Variants in AGFG2 observed in about 807,000 individuals in gnomAD.
AGFG2 encodes the protein arf-GAP domain and FG repeat-containing protein 2.
AGFG2 carries 31 observed loss-of-function variants against 48.0 expected under a neutral mutation model. That is an observed-to-expected ratio of 0.65 (90% CI 0.49 to 0.87). The LOEUF is 0.87. Ranked by LOEUF, AGFG2 falls within the 40% of genes least tolerant of loss-of-function variation. The probability of loss-of-function intolerance (pLI) is 0.00; values close to 1 mark genes in which losing one functional copy is unlikely to be tolerated. For synonymous variants in AGFG2, 229 were observed against 260.8 expected (o/e 0.88, Z 1.18); for missense variants, 599 against 632.6 (o/e 0.95, Z 0.57).
chr7:100,563,855 G>A lies in AGFG2; in HGVS notation c.1193G>A (p.Ser398Asn), dbSNP rs1418977851. The stretch of plus-strand genomic sequence containing the variant: ...ATAGGGCCCGGCTTTGGGATGAGCA[G>A]TGCTGGGCCTGGCTTCCCCCAGGCA... ...LAPGPGFGMS[S>N]AGPGFPQAVP... is the part of the protein sequence containing the mutation. The change falls in exon 10 of 12, where the codon AGT becomes AAT. Residue 398 changes from serine to asparagine, a missense_variant. By Grantham distance (46) the Ser-to-Asn change is conservative. Transcript: ENST00000300176. 1.2e-6 allele frequency: 2 copies of A among 1,611,474 alleles called. No homozygotes were observed. Among genetic ancestry groups the A allele is most frequent in the Non-Finnish European group, 1.7e-6 (2 of 1,180,016 alleles).
intron 3 of AGFG2, among the ~76,000 whole-genome samples, chr7:100,552,822 A>C (rs2131112347): frequency 6.6e-6 from 1 of 152,282 alleles, no homozygotes; most frequent in South Asian, 2.1e-4. Context: ...GGAGCTGAGA[A>C]GAAGGAGTCT....
At chr7:100,546,076 C>G (rs1427779614) in intron 1 of AGFG2, among the ~76,000 whole-genome samples, 1 of 152,142 alleles carries the variant, frequency 6.6e-6, no homozygotes, top group East Asian at 1.9e-4. Flanking sequence ...ATGGAAACAT[C>G]CTGTTCCATC....
intron 1 of AGFG2, 72 bp from the exon 2 acceptor site, chr7:100,548,750 C>T (rs1800561694): frequency 8.5e-7 from 1 of 1,182,156 alleles, no homozygotes; most frequent in East Asian, 2.3e-5. Flanking sequence ...CTCCCTCCTC[C>T]TCCTCCTCCC....
Position 100,553,471 on chromosome 7 carries a change from C to T in AGFG2, c.556C>T (p.Leu186Phe). 1.2e-6 allele frequency: 2 copies of T among 1,604,010 alleles called. No individual in the cohort carries two copies. Among genetic ancestry groups the T allele is most frequent in the South Asian group, 2.2e-5 (2 of 90,550 alleles). ...RTLLGDPAPS[L>F]SVAASTSSQP... ...ACTTCTGGGTGATCCTGCACCGTCT[C>T]TCTCAGTTGCTGCCTCCACCTCGAG... is the stretch of plus-strand genomic sequence containing the variant. The change falls in exon 4 of 12, where the codon CTC becomes TTC. Residue 186 changes from leucine to phenylalanine, a missense_variant. Transcript: ENST00000300176.
chr7:100,551,737 A>T (rs1800649705), intron 3 of AGFG2, among the ~76,000 whole-genome samples: 2 of 149,828 alleles, frequency 1.3e-5, no homozygotes. Flanking sequence ...TACAAAAAAA[A>T]TTAGCTGGGT....
rs748026655 is a variant in AGFG2 at position 100,562,942 on chromosome 7, G to C, written c.1167G>C (p.Ala389=). 1.9e-6 allele frequency: 3 copies of C among 1,613,154 alleles called. No homozygotes were observed. The African/African-American group carries it at 4.0e-5, about 22-fold the overall frequency. ...ACCCGTTCCAGCCCAATGGCTTGGCGCCAGGTAAGCCTCCAGCATGGTCCC... is the reference window on the plus strand; with the variant it reads ...ACCCGTTCCAGCCCAATGGCTTGGCCCCAGGTAAGCCTCCAGCATGGTCCC... The part of the protein sequence containing the change: ...STNPFQPNGL[A]PGPGFGMSSA... Residue 389 remains alanine (A), a synonymous_variant, in exon 9 of 12, where the codon GCG becomes GCC. Coordinates refer to ENST00000300176, the MANE Select transcript of AGFG2 (RefSeq NM_006076.5). This position sits in a 1 kb window ranked among gnomAD's most constrained non-coding sequence, Gnocchi z 5.4.
chr7:100,557,656 A>G (rs1006039272), intron 6 of AGFG2, among the ~76,000 whole-genome samples: 1 of 152,008 alleles, frequency 6.6e-6, no homozygotes, highest in Non-Finnish European at 1.5e-5. Context: ...GCCGGTCTCA[A>G]TCTCCTGACC....
chr7:100,542,258 C>T (rs1236068151), intron 1 of AGFG2, among the ~76,000 whole-genome samples: 2 of 152,124 alleles, frequency 1.3e-5, no homozygotes, highest in East Asian at 1.9e-4. Context: ...TCAAGTGATC[C>T]GCCCGCCTCG....
intron 6 of AGFG2, among the ~76,000 whole-genome samples, chr7:100,560,113 T>C (rs1584390398): frequency 1.3e-5 from 2 of 151,688 alleles, no homozygotes; most frequent in Admixed American, 1.3e-4. Flanking sequence ...CATACTGTAC[T>C]TGGAGGCAGG....
intron 2 of AGFG2, among the ~76,000 whole-genome samples, chr7:100,550,146 A>G (rs547207061): frequency 6.6e-6 from 1 of 152,258 alleles, no homozygotes; most frequent in African/African-American, 2.4e-5. Flanking sequence ...ATCTCTATTA[A>G]AAGTACAAAA....
rs773822977 is a variant in AGFG2, at chr7:100,563,967, G to C, written c.1300+5G>C. The stretch of plus-strand genomic sequence containing the variant: ...CGCTTGTTCAGCAGCAGAATGGTAA[G>C]AGCTGTAGATGGACAAACCCTTTCA... On this transcript the variant is annotated splice_donor_5th_base_variant and intron_variant, in intron 10 of 11. Transcript: ENST00000300176. 8 of 1,606,234 alleles carry C rather than the reference G, an allele frequency of 5.0e-6. No individual in the cohort carries two copies. Among genetic ancestry groups the C allele is most frequent in the Non-Finnish European group, 4.2e-6 (5 of 1,179,942 alleles).
intron 3 of AGFG2, among the ~76,000 whole-genome samples, chr7:100,551,066 ATTTC>A (rs1313785906): frequency 2.6e-4 from 18 of 69,710 alleles, no homozygotes; most frequent in Non-Finnish European, 3.6e-4. Context: ...ATATATATAT[ATTTC>A]TTTTTTTTTT....
chr7:100,550,602 A>C, intron 3 of AGFG2, 91 bp downstream of exon 3: 4 of 954,144 alleles, frequency 4.2e-6, no homozygotes, highest in Non-Finnish European at 4.9e-6. Flanking sequence ...TGGCCTTCTC[A>C]CAAAAGACTA....
Position 100,563,963 on chromosome 7 carries a change from G to T in AGFG2, c.1300+1G>T, listed in dbSNP as rs781144466. 7.5e-6 allele frequency: 12 copies of T among 1,606,376 alleles called. No individual in the cohort carries two copies. The South Asian group carries it at 1.3e-4, about 18-fold the overall frequency. ...ACCCCGCTTGTTCAGCAGCAGAATG[G>T]TAAGAGCTGTAGATGGACAAACCCT... On this transcript the variant is annotated splice_donor_variant, in intron 10 of 11. Transcript: ENST00000300176. LOFTEE classifies it high-confidence loss of function.
At chr7:100,556,673 A>G (rs1800765609) in intron 6 of AGFG2, 1 of 1,273,924 alleles carries the variant, frequency 7.8e-7, no homozygotes, top group East Asian at 5.6e-5. Context: ...GCCTCTGATC[A>G]TAGAGTTTTG....
intron 9 of AGFG2, 91 bp from the exon 10 acceptor site, chr7:100,563,743 C>A: frequency 6.4e-7 from 1 of 1,558,510 alleles, no homozygotes; most frequent in Non-Finnish European, 8.7e-7. Flanking sequence ...AAACTATATC[C>A]CATTTTCCCA....
rs1401341681 is a variant in AGFG2 at position 100,567,579 on chromosome 7, CAGGGCTGAGGGTA to C, written c.*2589_*2601del. 1.3e-5 allele frequency: 2 copies of C among 152,732 alleles called. No homozygotes were observed. The highest frequency in any genetic ancestry group is 4.8e-5 in the African/African-American group (2 of 41,454). The allele number at this position is 152,732 out of a possible 1,614,324, so 9.5% of individuals were successfully genotyped here. ...AGACCTGTGGGCCAGGGGATGGGAG[CAGGGCTGAGGGTA>C]GGGGCTGAATGTGTGGCTCTGTCCC... On this transcript the variant is annotated 3_prime_UTR_variant, in exon 12 of 12. Transcript: ENST00000300176.
intron 6 of AGFG2, among the ~76,000 whole-genome samples, chr7:100,556,844 A>C (rs1800768630): frequency 6.6e-6 from 1 of 152,214 alleles, no homozygotes. Context: ...CTGTGAGCTG[A>C]TTAGCTGCTT....
At chr7:100,557,534 C>A (rs1562794476) in intron 6 of AGFG2, among the ~76,000 whole-genome samples, 1 of 152,166 alleles carries the variant, frequency 6.6e-6, no homozygotes. Flanking sequence ...TGATCTCATT[C>A]AAGCGATTCT....
Sources: gnomAD v4.1 joint callset for allele counts (sites outside exome capture counted in the v4.1 genomes callset) on GRCh38, gnomAD v4.1.1 for gene constraint, Gnocchi (gnomAD v3.1) non-coding constraint, MANE v1.5 for transcripts, NCBI Gene and HGNC (gene_info 2026-07-23, HGNC 2026-07-21) for gene names.